Variants in TMEM200A observed in about 807,000 individuals in gnomAD.
TMEM200A encodes the protein transmembrane protein 200A, also known as two transmembrane C.
A neutral mutation model predicts 24.3 loss-of-function variants in TMEM200A; 12 were observed. The ratio of observed to expected loss-of-function variants is 0.49; its 90% CI spans 0.32 to 0.80. TMEM200A has a LOEUF of 0.80. TMEM200A is among the 30% of genes least tolerant of loss of function. The pLI is 0.04. For missense variants in TMEM200A, 545 were observed against 614.4 expected, an observed-to-expected ratio of 0.89 and a Z score of 1.19; for synonymous variants, 224 against 224.4, an observed-to-expected ratio of 1.00 and a Z score of 0.02.
At chr6:130,410,429 A>G (rs573916458) in intron 2 of TMEM200A, among the ~76,000 whole-genome samples, 2 of 152,310 alleles carry the variant, frequency 1.3e-5, no homozygotes, top group African/African-American at 2.4e-5. Flanking sequence ...AATTGTGGGC[A>G]TTTTCTAGAC....
intron 2 of TMEM200A, among the ~76,000 whole-genome samples, chr6:130,413,647 C>G (rs1170162693): frequency 6.6e-6 from 1 of 152,116 alleles, no homozygotes; most frequent in East Asian, 1.9e-4. Flanking sequence ...TTCACCTGGT[C>G]TACTTCTTGC....
intron 2 of TMEM200A, among the ~76,000 whole-genome samples, chr6:130,434,816 G>C (rs1398815971): frequency 6.6e-6 from 1 of 152,126 alleles, no homozygotes; most frequent in African/African-American, 2.4e-5. Context: ...CAGTGGGCTT[G>C]AGTGCGGGCA....
At chr6:130,426,462 C>CG (rs1041429936) in intron 2 of TMEM200A, among the ~76,000 whole-genome samples, 7 of 116,636 alleles carry the variant, frequency 6.0e-5, no homozygotes, top group African/African-American at 4.0e-4. Context: ...TTTCTGCAGC[C>CG]CCCCCCCCCT....
In TMEM200A at chr6:130,425,697, A is replaced by G. The variant is rs928896454; in HGVS notation, c.-16-14710A>G. Among the ~76,000 whole-genome samples the G allele has an allele frequency of 5.9e-5, 9 of 152,318 alleles. No homozygotes were observed. In the East Asian group the frequency reaches 1.7e-3, roughly 29 times the overall value. On this transcript the variant is annotated intron_variant, in intron 2 of 2. Transcript: ENST00000296978. ...TGCTAAAACAGCCACTTACATACCA[A>G]TTACATATCCTCTTGGACCTTAGCT...
At chr6:130,375,978 T>G (rs1778447704) in intron 1 of TMEM200A, among the ~76,000 whole-genome samples, 1 of 145,358 alleles carries the variant, frequency 6.9e-6, no homozygotes, top group African/African-American at 2.6e-5. Context: ...GGTTTTAATA[T>G]AAATATAACG....
upstream of TMEM200A, chr6:130,365,654 G>C: frequency 1.0e-6 from 1 of 985,458 alleles, no homozygotes; most frequent in Non-Finnish European, 1.2e-6. Flanking sequence ...GCTAGAGGCG[G>C]GCCCCACGGG....
intron 2 of TMEM200A, among the ~76,000 whole-genome samples, chr6:130,398,899 C>G (rs1172998413): frequency 6.6e-6 from 1 of 151,984 alleles, no homozygotes; most frequent in Non-Finnish European, 1.5e-5. Flanking sequence ...TCTCATATCT[C>G]ATTTTTTTCA....
intron 1 of TMEM200A, among the ~76,000 whole-genome samples, chr6:130,376,857 C>T (rs1047056547): frequency 1.3e-5 from 2 of 152,106 alleles, no homozygotes; most frequent in African/African-American, 4.8e-5. Flanking sequence ...TCACACTTTA[C>T]TTGACTTGTG....
In TMEM200A at chr6:130,424,517, CTTTT is replaced by C. The variant is rs1398738290; in HGVS notation, c.-16-15887_-16-15884del. ...CTTTTGGGAAAGATTTAGGATAAAA[CTTTT>C]TTCTTTCTTTTTTTCTGGAGTTAAT... is the stretch of plus-strand genomic sequence containing the variant. On this transcript the variant is annotated intron_variant, in intron 2 of 2. Transcript: ENST00000296978. Among the ~76,000 whole-genome samples, 3 of 152,178 alleles carry C rather than the reference CTTTT, an allele frequency of 2.0e-5. No homozygotes were observed. The East Asian group carries it at 5.8e-4, about 29-fold the overall frequency.
intron 2 of TMEM200A, among the ~76,000 whole-genome samples, chr6:130,409,636 T>C (rs992941479): frequency 6.6e-6 from 1 of 152,202 alleles, no homozygotes; most frequent in Non-Finnish European, 1.5e-5. Flanking sequence ...ACTGTCATTC[T>C]TATAATACAA....
At position 130,418,902 on chromosome 6, in the gene TMEM200A, T is replaced by C. The variant is rs149111279; in HGVS notation, c.-16-21505T>C. Among the ~76,000 whole-genome samples the C allele has an allele frequency of 4.1e-4, 62 of 152,322 alleles. 1 individual carries two copies. The highest frequency in any genetic ancestry group is 1.4e-3 in the African/African-American group (60 of 41,580). The stretch of plus-strand genomic sequence containing the variant: ...ATCCACCACCTCAAATTTTTCTCAT[T>C]TGTATGTATTGGGAACATATCGAGT... On this transcript the variant is annotated intron_variant, in intron 2 of 2. Transcript: ENST00000296978.
At chr6:130,411,374 G>A (rs559399499) in intron 2 of TMEM200A, among the ~76,000 whole-genome samples, 33 of 152,236 alleles carry the variant, frequency 2.2e-4, no homozygotes, top group African/African-American at 6.3e-4. Context: ...ACACTTGAAA[G>A]TAACTTGCTC....
chr6:130,372,652 T>G (rs573207155), intron 1 of TMEM200A, among the ~76,000 whole-genome samples: 2 of 152,290 alleles, frequency 1.3e-5, no homozygotes, highest in African/African-American at 4.8e-5. Flanking sequence ...TTGAGGATGC[T>G]CTAAATAAAA....
In TMEM200A at chr6:130,440,830, C is replaced by T. The variant is rs778053077; in HGVS notation, c.408C>T (p.Gly136=). Residue 136 remains glycine (G), a synonymous_variant, in exon 3 of 3, where the codon GGC becomes GGT. Coordinates refer to ENST00000296978, the MANE Select transcript of TMEM200A (RefSeq NM_001258277.2). Reference sequence around the variant, plus strand: ...TTGGCCCATTCACCATGGGGATTGGCATTTTCATTTTCATTTGTGCTAATG... The same window carrying T: ...TTGGCCCATTCACCATGGGGATTGGTATTTTCATTTTCATTTGTGCTAATG... The part of the protein sequence containing the change: ...KMLGPFTMGI[G]IFIFICANAI... 8.1e-6 allele frequency: 13 copies of T among 1,613,794 alleles called. No individual in the cohort carries two copies. The highest frequency in any genetic ancestry group is 1.1e-5 in the Non-Finnish European group (13 of 1,179,798).
intron 2 of TMEM200A, among the ~76,000 whole-genome samples, chr6:130,386,663 A>C (rs1778718316): frequency 6.6e-6 from 1 of 152,202 alleles, no homozygotes; most frequent in South Asian, 2.1e-4. Context: ...TCTTTAAAAG[A>C]TACTCTAGGT....
At chr6:130,397,178 C>T (rs1432613835) in intron 2 of TMEM200A, among the ~76,000 whole-genome samples, 3 of 152,116 alleles carry the variant, frequency 2.0e-5, no homozygotes, top group Non-Finnish European at 4.4e-5. Flanking sequence ...AATTCATTTT[C>T]AGTTTTTCCT....
In TMEM200A at chr6:130,400,477, A is replaced by G. The variant is rs1472156965; in HGVS notation, c.-17+15241A>G. ...GGTTATGAGTCCTACTGTTTGGAGA[A>G]TCTCCTGACTCTGTCATAGTGACAG... On this transcript the variant is annotated intron_variant, in intron 2 of 2. Transcript: ENST00000296978. Among the ~76,000 whole-genome samples, 4 of 148,452 alleles carry G rather than the reference A, an allele frequency of 2.7e-5. No individual in the cohort carries two copies. In the South Asian group the frequency reaches 8.4e-4, roughly 31 times the overall value.
intron 2 of TMEM200A, among the ~76,000 whole-genome samples, chr6:130,397,027 C>A (rs1186501460): frequency 3.3e-5 from 5 of 152,146 alleles, no homozygotes; most frequent in African/African-American, 1.2e-4. Context: ...TCCTAGTTCA[C>A]ATGCTCTTTG....
intron 2 of TMEM200A, among the ~76,000 whole-genome samples, chr6:130,396,505 A>G (rs1289460020): frequency 6.6e-6 from 1 of 151,992 alleles, no homozygotes; most frequent in African/African-American, 2.4e-5. Context: ...TTTTCTTTCT[A>G]AAAAATCAGA....
Sources: gnomAD v4.1 joint callset for allele counts (sites outside exome capture counted in the v4.1 genomes callset) on GRCh38, gnomAD v4.1.1 for gene constraint, MANE v1.5 for transcripts, NCBI Gene and HGNC (gene_info 2026-07-23, HGNC 2026-07-21) for gene names.